GALNT17: variants seen among roughly 807,000 people sequenced by gnomAD.
GALNT17 encodes the protein UDP-GalNAc:polypeptide N-acetylgalactosaminyltransferase-like 3.
Under a neutral mutation model 63.7 loss-of-function variants are expected in GALNT17, and 29 were observed. The observed-to-expected ratio is 0.46, with a 90% confidence interval of 0.34 to 0.62. The LOEUF is 0.62. GALNT17 is among the 20% of genes least tolerant of loss of function. The pLI, the probability that GALNT17 is intolerant of heterozygous loss-of-function variation, is 0.01. For missense variants in GALNT17, 603 were observed against 799.6 expected, an observed-to-expected ratio of 0.75 and a Z score of 2.97; for synonymous variants, 305 against 318.3, an observed-to-expected ratio of 0.96 and a Z score of 0.45.
chr7:71,703,933 C>A (rs1791688615), intron 9 of GALNT17, among the ~76,000 whole-genome samples: 1 of 152,058 alleles, frequency 6.6e-6, no homozygotes, highest in Non-Finnish European at 1.5e-5. Flanking sequence ...CCCAGGACAC[C>A]AGGATAGGAG....
chr7:71,542,787 T>C (rs1405688980), intron 5 of GALNT17, among the ~76,000 whole-genome samples: 1 of 152,048 alleles, frequency 6.6e-6, no homozygotes, highest in South Asian at 2.1e-4. Context: ...TGCATTCTAC[T>C]TTCCTTGTCC....
At chr7:71,168,705 ATG>A (rs10536926) in intron 1 of GALNT17, among the ~76,000 whole-genome samples, 86,287 of 148,982 alleles carry the variant, frequency 0.58, 27,190 homozygotes, top group Middle Eastern at 0.71. Flanking sequence ...AGTTACGTGT[ATG>A]TGTGTGTGTG....
chr7:71,702,248 A>G (rs1363696900), intron 9 of GALNT17, among the ~76,000 whole-genome samples: 1 of 152,086 alleles, frequency 6.6e-6, no homozygotes, highest in Non-Finnish European at 1.5e-5. Context: ...TATCCATGTA[A>G]CAAATATGTA....
chr7:71,710,694 CTGCTTCCTCCCA>C, intron 9 of GALNT17, 55 bp from the exon 10 acceptor site: 1 of 1,571,100 alleles, frequency 6.4e-7, no homozygotes, highest in Admixed American at 1.7e-5. Flanking sequence ...GACCTGAGCC[CTGCTTCCTCCCA>C]TGTCTCACTC....
chr7:71,440,898 G>A (rs1283514216), intron 5 of GALNT17, among the ~76,000 whole-genome samples: 1 of 152,176 alleles, frequency 6.6e-6, no homozygotes, highest in East Asian at 1.9e-4. Context: ...TACCAGTCAT[G>A]CAAGGTGTGT....
chr7:71,458,450 C>T (rs1787393160), intron 5 of GALNT17, among the ~76,000 whole-genome samples: 1 of 152,146 alleles, frequency 6.6e-6, no homozygotes, highest in African/African-American at 2.4e-5. Flanking sequence ...TGCCAAAGCC[C>T]TATTGGGCAT....
At chr7:71,546,178 T>TTTTTA (rs1227763561) in intron 5 of GALNT17, among the ~76,000 whole-genome samples, 1 of 151,192 alleles carries the variant, frequency 6.6e-6, no homozygotes. Flanking sequence ...TTTTTTTTTT[T>TTTTTA]GAGATAGCAT....
intron 1 of GALNT17, among the ~76,000 whole-genome samples, chr7:71,277,206 A>G (rs1311701893): frequency 6.6e-6 from 1 of 152,024 alleles, no homozygotes; most frequent in Non-Finnish European, 1.5e-5. Flanking sequence ...GTAGAGCTGG[A>G]GACTGTTGTC....
chr7:71,592,916 G>A (rs1051904425), intron 6 of GALNT17, among the ~76,000 whole-genome samples: 2 of 152,170 alleles, frequency 1.3e-5, no homozygotes, highest in African/African-American at 4.8e-5. Context: ...GGAGGGAGAG[G>A]TGGGAGAATT....
At chr7:71,662,318 T>TTATCTATC (rs35082867) in intron 6 of GALNT17, among the ~76,000 whole-genome samples, 2,270 of 151,034 alleles carry the variant, frequency 0.015, 53 homozygotes, top group African/African-American at 0.044. Context: ...ATCTCTCTGT[T>TTATCTATC]TATCTATCTA....
chr7:71,274,053 A>G (rs1790640760), intron 1 of GALNT17, among the ~76,000 whole-genome samples: 1 of 152,242 alleles, frequency 6.6e-6, no homozygotes, highest in South Asian at 2.1e-4. Context: ...CTGGTAAACC[A>G]GCCCTCTGGG....
intron 1 of GALNT17, among the ~76,000 whole-genome samples, chr7:71,193,942 C>T (rs962888285): frequency 6.6e-6 from 1 of 152,124 alleles, no homozygotes; most frequent in African/African-American, 2.4e-5. Context: ...TTTCTTGTAT[C>T]GATGTGATAT....
intron 6 of GALNT17, among the ~76,000 whole-genome samples, chr7:71,629,654 T>C (rs1790427455): frequency 1.3e-5 from 2 of 152,114 alleles, no homozygotes; most frequent in African/African-American, 4.8e-5. Flanking sequence ...TTATTTATTT[T>C]TGGAGAATTG....
chr7:71,321,115 A>C (rs1240130701), intron 1 of GALNT17, among the ~76,000 whole-genome samples: 1 of 152,182 alleles, frequency 6.6e-6, no homozygotes, highest in African/African-American at 2.4e-5. Context: ...AGTGTCAAGC[A>C]CACATTTGAT....
At chr7:71,366,248 A>G (rs1453636221) in intron 2 of GALNT17, among the ~76,000 whole-genome samples, 14 of 151,996 alleles carry the variant, frequency 9.2e-5, no homozygotes, top group Admixed American at 9.2e-4. Context: ...TATTGTTCCG[A>G]GGCCTAGGGG....
chr7:71,682,701 T>C (rs1196341734), intron 9 of GALNT17, among the ~76,000 whole-genome samples: 18 of 152,046 alleles, frequency 1.2e-4, no homozygotes, highest in Admixed American at 3.9e-4. Context: ...TGAATCACCT[T>C]GCCCAGCTAA....
intron 5 of GALNT17, among the ~76,000 whole-genome samples, chr7:71,450,159 A>G (rs562474266): frequency 7.1e-6 from 1 of 141,260 alleles, no homozygotes; most frequent in Admixed American, 7.1e-5. Context: ...TTTTTTTGAG[A>G]CAGTCTTTCT....
At chr7:71,239,838 T>C (rs1036637456) in intron 1 of GALNT17, among the ~76,000 whole-genome samples, 62 of 152,178 alleles carry the variant, frequency 4.1e-4, no homozygotes, top group African/African-American at 1.4e-3. Context: ...AAATGCTGAG[T>C]GTGGCTAGAA....
intron 5 of GALNT17, among the ~76,000 whole-genome samples, chr7:71,453,539 G>T (rs1001469798): frequency 6.6e-6 from 1 of 152,122 alleles, no homozygotes; most frequent in Non-Finnish European, 1.5e-5. Flanking sequence ...CAGGTTGGGG[G>T]AAACTTCCCC....
Sources: allele counts gnomAD v4.1 joint callset (sites outside exome capture counted in the v4.1 genomes callset), GRCh38; gene constraint gnomAD v4.1.1; transcripts MANE v1.5; gene names NCBI Gene and HGNC (gene_info 2026-07-23, HGNC 2026-07-21).